Variants in HCN1 observed in about 807,000 individuals in gnomAD.
HCN1 encodes potassium/sodium hyperpolarization-activated cyclic nucleotide-gated channel 1.
Under a neutral mutation model 78.9 loss-of-function variants are expected in HCN1, and 13 were observed. The ratio of observed to expected loss-of-function variants is 0.16; its 90% confidence interval spans 0.11 to 0.26. The LOEUF is 0.26. Ranked by LOEUF, HCN1 falls within the 10% of genes least tolerant of loss-of-function variation. The probability of loss-of-function intolerance (pLI) is 1.00; values close to 1 mark genes in which losing one functional copy is unlikely to be tolerated. For missense variants in HCN1, 810 were observed against 1,154.3 expected, an observed-to-expected ratio of 0.70 and a Z score of 4.32; for synonymous variants, 552 against 455.5, an observed-to-expected ratio of 1.21 and a Z score of -2.70.
At chr5:45,482,851 A>G (rs1382932555) in intron 2 of HCN1, among the ~76,000 whole-genome samples, 1 of 152,170 alleles carries the variant, frequency 6.6e-6, no homozygotes, top group Non-Finnish European at 1.5e-5. Context: ...AAGTGAGAAC[A>G]TGTAGTATTT....
chr5:45,582,345 G>A (rs1744097760), intron 2 of HCN1, among the ~76,000 whole-genome samples: 1 of 152,116 alleles, frequency 6.6e-6, no homozygotes, highest in Admixed American at 6.6e-5. Context: ...GTATAAGAAT[G>A]CTTGTGATTT....
chr5:45,669,155 G>C (rs1580037855), intron 1 of HCN1, among the ~76,000 whole-genome samples: 1 of 151,788 alleles, frequency 6.6e-6, no homozygotes. Flanking sequence ...CCATGTGTCA[G>C]AGCAAGAAAT....
At chr5:45,668,145 C>T (rs1465462472) in intron 1 of HCN1, among the ~76,000 whole-genome samples, 1 of 151,852 alleles carries the variant, frequency 6.6e-6, no homozygotes, top group Admixed American at 6.6e-5. Context: ...GCACAATTTC[C>T]TTATATGCCT....
chr5:45,670,560 A>C (rs1746130919), intron 1 of HCN1, among the ~76,000 whole-genome samples: 1 of 151,704 alleles, frequency 6.6e-6, no homozygotes, highest in African/African-American at 2.4e-5. Flanking sequence ...GCATTTTTTA[A>C]CAGGAATAAT....
At chr5:45,460,594 A>G (rs1413403469) in intron 3 of HCN1, among the ~76,000 whole-genome samples, 1 of 152,032 alleles carries the variant, frequency 6.6e-6, no homozygotes, top group Non-Finnish European at 1.5e-5. Flanking sequence ...TGGTCAGGAG[A>G]GCTCTTTGTG....
At chr5:45,365,789 A>G (rs1294671238) in intron 4 of HCN1, among the ~76,000 whole-genome samples, 1 of 151,858 alleles carries the variant, frequency 6.6e-6, no homozygotes, top group African/African-American at 2.4e-5. Context: ...TTTTTTTAAA[A>G]AAGACTTCTA....
chr5:45,313,113 C>T (rs993176267), intron 5 of HCN1, among the ~76,000 whole-genome samples: 5 of 152,176 alleles, frequency 3.3e-5, no homozygotes, highest in African/African-American at 9.6e-5. Flanking sequence ...GGGAGGCACC[C>T]CCCAGTAGGG....
chr5:45,316,607 A>G (rs1482665080), intron 5 of HCN1, among the ~76,000 whole-genome samples: 3 of 152,316 alleles, frequency 2.0e-5, no homozygotes, highest in East Asian at 1.9e-4. Flanking sequence ...TCAATTACAA[A>G]AAGAGGAAGT....
At chr5:45,684,911 T>G (rs946734916) in intron 1 of HCN1, among the ~76,000 whole-genome samples, 2 of 152,192 alleles carry the variant, frequency 1.3e-5, no homozygotes, top group African/African-American at 4.8e-5. Flanking sequence ...ATATTCATTT[T>G]TTCAGTCTCT....
At chr5:45,460,661 A>C (rs1741127781) in intron 3 of HCN1, among the ~76,000 whole-genome samples, 1 of 152,092 alleles carries the variant, frequency 6.6e-6, no homozygotes, top group Non-Finnish European at 1.5e-5. Context: ...GGTAAATATA[A>C]TAAATATCAG....
At chr5:45,319,840 A>T (rs1746086052) in intron 5 of HCN1, among the ~76,000 whole-genome samples, 1 of 151,858 alleles carries the variant, frequency 6.6e-6, no homozygotes, top group South Asian at 2.1e-4. Flanking sequence ...GCAATATCTC[A>T]TTTAGTTATT....
chr5:45,615,724 T>C (rs896552759), intron 2 of HCN1, among the ~76,000 whole-genome samples: 1 of 151,900 alleles, frequency 6.6e-6, no homozygotes, highest in African/African-American at 2.4e-5. Flanking sequence ...TACACGTGGT[T>C]TGAGGTTAAT....
At chr5:45,673,393 G>A (rs1746196002) in intron 1 of HCN1, among the ~76,000 whole-genome samples, 1 of 151,406 alleles carries the variant, frequency 6.6e-6, no homozygotes, top group African/African-American at 2.4e-5. Context: ...GCACATTAAT[G>A]GCCCACTTCC....
At chr5:45,291,341 C>T (rs956253083) in intron 6 of HCN1, among the ~76,000 whole-genome samples, 6 of 151,904 alleles carry the variant, frequency 3.9e-5, no homozygotes, top group Non-Finnish European at 8.8e-5. Flanking sequence ...TCTGTGTATG[C>T]CCACTCGTTC....
At chr5:45,454,283 A>G (rs1272750520) in intron 3 of HCN1, among the ~76,000 whole-genome samples, 1 of 152,072 alleles carries the variant, frequency 6.6e-6, no homozygotes, top group Non-Finnish European at 1.5e-5. Context: ...TGATGAGGTC[A>G]TGTTTCTATC....
intron 3 of HCN1, among the ~76,000 whole-genome samples, chr5:45,458,157 A>C (rs1741064427): frequency 6.6e-6 from 1 of 152,112 alleles, no homozygotes; most frequent in Non-Finnish European, 1.5e-5. Context: ...CAGATACAGT[A>C]TAATTATAGC....
intron 7 of HCN1, among the ~76,000 whole-genome samples, chr5:45,264,611 C>A (rs1744816681): frequency 6.6e-6 from 1 of 152,166 alleles, no homozygotes; most frequent in African/African-American, 2.4e-5. Flanking sequence ...AACAAAAACT[C>A]CTACATTAGT....
At chr5:45,668,615 T>C (rs1156926629) in intron 1 of HCN1, among the ~76,000 whole-genome samples, 1 of 151,946 alleles carries the variant, frequency 6.6e-6, no homozygotes, top group South Asian at 2.1e-4. Context: ...CCACTACAGA[T>C]ACATATTACT....
chr5:45,440,080 T>G (rs1312648433), intron 3 of HCN1, among the ~76,000 whole-genome samples: 1 of 150,358 alleles, frequency 6.7e-6, no homozygotes, highest in South Asian at 2.1e-4. Flanking sequence ...CAACCTCAAT[T>G]TGGAGTAAAA....
Sources: gnomAD v4.1 joint callset for allele counts (sites outside exome capture counted in the v4.1 genomes callset) on GRCh38, gnomAD v4.1.1 for gene constraint, MANE v1.5 for transcripts, NCBI Gene and HGNC (gene_info 2026-07-23, HGNC 2026-07-21) for gene names.